Variants in CTNNA1 observed in about 807,000 individuals in gnomAD.
CTNNA1 encodes catenin alpha-1.
CTNNA1 carries 37 observed loss-of-function variants against 98.4 expected under a neutral mutation model. The ratio of observed to expected loss-of-function variants is 0.38; its 90% CI spans 0.29 to 0.49. The LOEUF (loss-of-function observed/expected upper bound fraction) is 0.49. CTNNA1 is among the 20% of genes least tolerant of loss of function. The pLI is 0.95. For synonymous variants in CTNNA1, 404 were observed against 413.2 expected (o/e 0.98, Z 0.27); for missense variants, 761 against 1,147.2 (o/e 0.66, Z 4.86).
chr5:138,841,859 C>T (rs968934983), intron 7 of CTNNA1, among the ~76,000 whole-genome samples: 3 of 152,156 alleles, frequency 2.0e-5, no homozygotes, highest in Admixed American at 2.0e-4. Flanking sequence ...AGTGTGACAT[C>T]GTATTTCAAG....
At chr5:138,931,304 G>A (rs1465734375) in intron 16 of CTNNA1, among the ~76,000 whole-genome samples, 1 of 152,144 alleles carries the variant, frequency 6.6e-6, no homozygotes, top group Non-Finnish European at 1.5e-5. Context: ...CAGCCACCCC[G>A]TCTTCATCCC....
chr5:138,842,140 A>G (rs1410504133), intron 7 of CTNNA1, among the ~76,000 whole-genome samples: 1 of 152,186 alleles, frequency 6.6e-6, no homozygotes, highest in Non-Finnish European at 1.5e-5. Context: ...TCTCTATAAA[A>G]ATATTAAGAA....
At chr5:138,884,114 A>G (rs1218816415) in intron 7 of CTNNA1, among the ~76,000 whole-genome samples, 1 of 152,230 alleles carries the variant, frequency 6.6e-6, no homozygotes, top group Non-Finnish European at 1.5e-5. Context: ...ATTTATAGGT[A>G]GACATCAATC....
chr5:138,811,201 G>A (rs1758717957), intron 4 of CTNNA1, among the ~76,000 whole-genome samples: 2 of 149,326 alleles, frequency 1.3e-5, no homozygotes, highest in East Asian at 2.1e-4. Flanking sequence ...CTTCTCAGAC[G>A]GGGCGGCCGG....
intron 7 of CTNNA1, chr5:138,869,173 T>TAAAAAAAAAAA (rs35414819): frequency 7.4e-6 from 1 of 134,918 alleles, no homozygotes. Flanking sequence ...ATATCAGACT[T>TAAAAAAAAAAA]AAAAAAAAAA....
chr5:138,901,926 T>C (rs1758126258), intron 9 of CTNNA1, among the ~76,000 whole-genome samples: 1 of 152,202 alleles, frequency 6.6e-6, no homozygotes, highest in African/African-American at 2.4e-5. Flanking sequence ...TTGTTAGAAG[T>C]GAGTAGCCCT....
Position 138,917,917 on chromosome 5 carries a change from A to G in CTNNA1, c.1546+19A>G. ...GTCTCAGGTAATGAGCTGGTTCCCC[A>G]GAGAAGTATGTGAAGATGTTCATAA... On this transcript the variant is annotated intron_variant, in intron 11 of 17. Coordinates refer to ENST00000302763, the MANE Select transcript of CTNNA1 (RefSeq NM_001903.5). The G allele has an allele frequency of 4.3e-6, 7 of 1,612,358 alleles. No individual in the cohort carries two copies. Among genetic ancestry groups the G allele is most frequent in the Non-Finnish European group, 5.9e-6 (7 of 1,178,616 alleles).
intron 16 of CTNNA1, chr5:138,931,586 C>T (rs1291019811): frequency 1.3e-5 from 13 of 985,062 alleles, no homozygotes; most frequent in Non-Finnish European, 1.4e-5. Context: ...GTAATAGGGC[C>T]TATTGCTTCC....
intron 7 of CTNNA1, chr5:138,875,447 T>C (rs556630933): frequency 1.0e-6 from 1 of 985,598 alleles, no homozygotes; most frequent in East Asian, 1.1e-4. Context: ...AGCACCATGC[T>C]TTGTAACAGC....
chr5:138,897,294 A>C (rs1202952895), intron 9 of CTNNA1, among the ~76,000 whole-genome samples: 1,410 of 16,120 alleles, frequency 0.087, no homozygotes, highest in Admixed American at 0.1. Flanking sequence ...CTCACACCGC[A>C]CCCCCCCCCC....
Position 138,873,756 on chromosome 5 carries a change from C to T in CTNNA1, c.1063-12456C>T, listed in dbSNP as rs776686660. 3 of 1,614,042 alleles carry T rather than the reference C, an allele frequency of 1.9e-6. No homozygotes were observed. The highest frequency in any genetic ancestry group is 1.1e-5 in the South Asian group (1 of 91,090). ...GGCATCGTTTCAAACACTGTCAAGT[C>T]GATGGCTTTGATTTCATTTCCAGTC... is the stretch of plus-strand genomic sequence containing the variant. On this transcript the variant is annotated intron_variant, in intron 7 of 17. Coordinates refer to ENST00000302763, the MANE Select transcript of CTNNA1 (RefSeq NM_001903.5). The surrounding 1 kb of genome is among the most constrained non-coding windows in gnomAD (Gnocchi z 6.1).
intron 7 of CTNNA1, among the ~76,000 whole-genome samples, chr5:138,845,310 G>T (rs1762610851): frequency 6.6e-6 from 1 of 152,312 alleles, no homozygotes; most frequent in South Asian, 2.1e-4. Context: ...CACTAAGCTA[G>T]TCTACTTTCT....
At chr5:138,764,393 G>A (rs1177641941) in intron 1 of CTNNA1, among the ~76,000 whole-genome samples, 1 of 152,000 alleles carries the variant, frequency 6.6e-6, no homozygotes, top group African/African-American at 2.4e-5. Flanking sequence ...CTTCCATTTT[G>A]CAGAGAGGTA....
intron 1 of CTNNA1, among the ~76,000 whole-genome samples, chr5:138,765,964 A>C (rs893034964): frequency 4.0e-4 from 61 of 151,636 alleles, no homozygotes; most frequent in African/African-American, 1.4e-3. Context: ...AAAAAAAAAA[A>C]AAAAAAAGGC....
At chr5:138,801,896 AG>A (rs1354675123) in intron 3 of CTNNA1, among the ~76,000 whole-genome samples, 4 of 152,250 alleles carry the variant, frequency 2.6e-5, no homozygotes, top group Non-Finnish European at 5.9e-5. Flanking sequence ...TTAAAACTCT[AG>A]CTATGCAGCT....
chr5:138,776,776 A>C (rs1580940154), intron 1 of CTNNA1, among the ~76,000 whole-genome samples: 2 of 145,350 alleles, frequency 1.4e-5, no homozygotes, highest in Non-Finnish European at 3.0e-5. Flanking sequence ...CACCTCCCGG[A>C]CGGGGCGGCT....
chr5:138,870,077 G>C (rs986762918), intron 7 of CTNNA1: 5 of 152,054 alleles, frequency 3.3e-5, no homozygotes, highest in African/African-American at 1.2e-4. Flanking sequence ...GTTCTTAATG[G>C]TCATTTTCCT....
chr5:138,796,428 C>G (rs953241906), intron 3 of CTNNA1, among the ~76,000 whole-genome samples: 1 of 152,030 alleles, frequency 6.6e-6, no homozygotes, highest in African/African-American at 2.4e-5. Flanking sequence ...CCTGTAGTCC[C>G]AGCTACTGGG....
intron 7 of CTNNA1, among the ~76,000 whole-genome samples, chr5:138,847,472 C>T (rs1487216175): frequency 6.6e-6 from 1 of 152,142 alleles, no homozygotes; most frequent in Non-Finnish European, 1.5e-5. Context: ...GTCATAATTT[C>T]TTAGTCAAAG....
Sources: gnomAD v4.1 joint callset for allele counts (sites outside exome capture counted in the v4.1 genomes callset) on GRCh38, gnomAD v4.1.1 for gene constraint, Gnocchi (gnomAD v3.1) non-coding constraint, MANE v1.5 for transcripts, NCBI Gene and HGNC (gene_info 2026-07-23, HGNC 2026-07-21) for gene names.